The following SSH2 variants were observed in gnomAD, a reference collection of about 807,000 sequenced individuals.
SSH2 encodes the protein slingshot protein phosphatase 2.
In SSH2, 37 loss-of-function variants were observed where a neutral mutation model predicts 135.2. The observed-to-expected ratio is 0.27, with a 90% CI of 0.21 to 0.36. SSH2 has a LOEUF of 0.36. Among genes scored for constraint, SSH2 ranks in the 10% least tolerant of loss-of-function variants. The pLI is 1.00. For missense variants in SSH2, 1,408 were observed against 1,765.3 expected, an observed-to-expected ratio of 0.80 and a Z score of 3.63; for synonymous variants, 628 against 646.2, an observed-to-expected ratio of 0.97 and a Z score of 0.43.
intron 14 of SSH2, among the ~76,000 whole-genome samples, chr17:29,643,767 T>C (rs2036261666): frequency 6.6e-6 from 1 of 152,182 alleles, no homozygotes; most frequent in Non-Finnish European, 1.5e-5. Context: ...ATGCTAGGAT[T>C]ATAGGCGTGA....
chr17:29,769,764 A>C (rs1044699730), intron 3 of SSH2, among the ~76,000 whole-genome samples: 2 of 152,188 alleles, frequency 1.3e-5, no homozygotes, highest in African/African-American at 4.8e-5. Flanking sequence ...GAACGTGTCC[A>C]ATTCATCCTA....
rs765178535 is a variant in SSH2, at chr17:29,672,096, T to G, written c.648A>C (p.Glu216Asp). The G allele has an allele frequency of 1.4e-5, 23 of 1,614,126 alleles. No homozygotes were observed. Among genetic ancestry groups the G allele is most frequent in the Non-Finnish European group, 1.9e-5 (22 of 1,179,996 alleles). The change falls in exon 9 of 16, where the codon GAA (glutamate) becomes GAC (aspartate). Residue 216 changes from glutamate (E) to aspartate (D), a missense_variant. Transcript: ENST00000540801. Reference sequence around the variant, plus strand: ...GGTAGTAGTTATGCGCTCTGGCGACTTCACAAGCCTTGTGTAAGCTCTGTA... The same window carrying G: ...GGTAGTAGTTATGCGCTCTGGCGACGTCACAAGCCTTGTGTAAGCTCTGTA... ...SALQSLHKAC[E>D]VARAHNYYPG...
At chr17:29,761,088 G>T (rs1488227708) in intron 3 of SSH2, 1 of 1,283,398 alleles carries the variant, frequency 7.8e-7, no homozygotes, top group African/African-American at 1.5e-5. Context: ...TGGGGAAAGC[G>T]GCTGCTGAAA....
chr17:29,919,000 A>C (rs1234388908), intron 1 of SSH2, among the ~76,000 whole-genome samples: 1 of 151,816 alleles, frequency 6.6e-6, no homozygotes, highest in Non-Finnish European at 1.5e-5. Flanking sequence ...CTGTTTGCTG[A>C]CCAATTCCCA....
At chr17:29,832,332 A>T (rs1312721153) in intron 2 of SSH2, among the ~76,000 whole-genome samples, 1 of 152,082 alleles carries the variant, frequency 6.6e-6, no homozygotes, top group Non-Finnish European at 1.5e-5. Flanking sequence ...GAGTCTCCCT[A>T]TGCTGCTTAG....
At position 29,702,993 on chromosome 17, in the gene SSH2, T is replaced by A; in HGVS notation, c.258A>T (p.Thr86=). 1.2e-6 allele frequency: 2 copies of A among 1,613,980 alleles called. No individual in the cohort carries two copies. Among genetic ancestry groups the A allele is most frequent in the South Asian group, 2.2e-5 (2 of 91,082 alleles). The change falls in exon 4 of 16, where the codon ACA becomes ACT. Residue 86 remains threonine (T), a synonymous_variant. Transcript: ENST00000540801. ...LFLPRGNGSS[T]PRISHRRNKH... ...TGTTCCGTCTGTGGCTGATTCTTGG[T>A]GTGGATGAGCCATTTCCCCGTGGTA...
intron 2 of SSH2, among the ~76,000 whole-genome samples, chr17:29,816,503 T>A (rs1282528350): frequency 6.6e-6 from 1 of 152,174 alleles, no homozygotes; most frequent in African/African-American, 2.4e-5. Context: ...AAATCAAGCC[T>A]GTGTTTAATT....
At chr17:29,673,049 T>C (rs898543728) in intron 8 of SSH2, among the ~76,000 whole-genome samples, 1 of 152,022 alleles carries the variant, frequency 6.6e-6, no homozygotes, top group African/African-American at 2.4e-5. Flanking sequence ...TCTGGCTCTG[T>C]CTGAACTCAG....
intron 2 of SSH2, among the ~76,000 whole-genome samples, chr17:29,832,549 G>T (rs1020786157): frequency 6.6e-6 from 1 of 152,184 alleles, no homozygotes; most frequent in Non-Finnish European, 1.5e-5. Flanking sequence ...GGTCATTCAG[G>T]AGCATACTGT....
At chr17:29,809,458 T>TA (rs1221274446) in intron 2 of SSH2, among the ~76,000 whole-genome samples, 2 of 152,192 alleles carry the variant, frequency 1.3e-5, no homozygotes, top group Non-Finnish European at 2.9e-5. Context: ...AGTCTTGTAG[T>TA]ATCTCTAACA....
intron 3 of SSH2, among the ~76,000 whole-genome samples, chr17:29,707,913 T>A (rs1004525570): frequency 6.6e-6 from 1 of 152,098 alleles, no homozygotes; most frequent in African/African-American, 2.4e-5. Context: ...CAATCAATCC[T>A]CTTTATTCCA....
chr17:29,790,273 C>T (rs1036390239), intron 3 of SSH2, among the ~76,000 whole-genome samples: 2 of 152,094 alleles, frequency 1.3e-5, no homozygotes, highest in Non-Finnish European at 2.9e-5. Context: ...CCCCCCATGA[C>T]GTGTCCTTAA....
chr17:29,906,269 T>C (rs965792375), intron 1 of SSH2, among the ~76,000 whole-genome samples: 2 of 152,154 alleles, frequency 1.3e-5, no homozygotes, highest in Non-Finnish European at 2.9e-5. Context: ...AGGAAAGGAC[T>C]TCCTAGTTAA....
At chr17:29,759,473 TTAAA>T (rs773174370) in intron 3 of SSH2, among the ~76,000 whole-genome samples, 2 of 152,218 alleles carry the variant, frequency 1.3e-5, no homozygotes, top group African/African-American at 2.4e-5. Flanking sequence ...TTCTAGGGTA[TTAAA>T]TATTTTCACA....
At chr17:29,922,989 C>T (rs188790525) in intron 1 of SSH2, among the ~76,000 whole-genome samples, 1 of 152,332 alleles carries the variant, frequency 6.6e-6, no homozygotes, top group East Asian at 1.9e-4. Context: ...TGGCTCACTG[C>T]AACCTCTGCC....
chr17:29,835,547 A>C (rs1250237457), intron 2 of SSH2, among the ~76,000 whole-genome samples: 2 of 152,200 alleles, frequency 1.3e-5, no homozygotes, highest in Non-Finnish European at 2.9e-5. Flanking sequence ...CTCCTGGACC[A>C]GGCCCTGCAA....
At chr17:29,671,038 G>T (rs1033800414) in intron 9 of SSH2, among the ~76,000 whole-genome samples, 2 of 152,026 alleles carry the variant, frequency 1.3e-5, no homozygotes, top group Non-Finnish European at 2.9e-5. Flanking sequence ...ACCTAAAAAG[G>T]AAATAAACAT....
chr17:29,918,862 G>A (rs1433044948), intron 1 of SSH2, among the ~76,000 whole-genome samples: 1 of 152,034 alleles, frequency 6.6e-6, no homozygotes, highest in African/African-American at 2.4e-5. Flanking sequence ...ACTTGAACCC[G>A]GGAGGCGGAG....
Position 29,757,742 on chromosome 17 carries a change from AAGAG to A in SSH2, c.188+36148_188+36151del, listed in dbSNP as rs1201356367. On this transcript the variant is annotated intron_variant, in intron 3 of 15. Transcript: ENST00000540801. ...GCTGTCTCTACAAAAAAAAAAAAAAAAGAGAGAGAGAGAGAATTGCTTGAACCCA... is the reference window on the plus strand; with the variant it reads ...GCTGTCTCTACAAAAAAAAAAAAAAAAGAGAGAGAGAATTGCTTGAACCCA... Among the ~76,000 whole-genome samples the A allele has an allele frequency of 4.6e-3, 553 of 121,028 alleles. 6 individuals are homozygous for A. Among genetic ancestry groups the A allele is most frequent in the Middle Eastern group, 0.016 (4 of 256 alleles). The allele number at this position is 121,028 out of a possible 152,430, so 79.4% of individuals were successfully genotyped here. A position where few individuals can be genotyped will look rare whatever the true frequency, so the allele number is the denominator to read the frequency against.
Sources: gnomAD v4.1 joint callset for allele counts (sites outside exome capture counted in the v4.1 genomes callset) on GRCh38, gnomAD v4.1.1 for gene constraint, MANE v1.5 for transcripts, NCBI Gene and HGNC (gene_info 2026-07-23, HGNC 2026-07-21) for gene names.